The following PARD6G variants were observed in gnomAD, a reference collection of about 807,000 sequenced individuals.
The protein encoded by PARD6G is partitioning defective 6 homolog gamma.
PARD6G carries 7 observed loss-of-function variants against 10.7 expected under a neutral mutation model. The observed-to-expected ratio is 0.66, with a 90% CI of 0.37 to 1.23. The LOEUF (loss-of-function observed/expected upper bound fraction) is 1.23. Ranked by LOEUF, PARD6G falls within the 50% of genes most tolerant of loss-of-function variation. The pLI, the probability that PARD6G is intolerant of heterozygous loss-of-function variation, is 0.02. For synonymous variants in PARD6G, 287 were observed against 269.4 expected (o/e 1.07, Z -0.64); for missense variants, 548 against 571.8 (o/e 0.96, Z 0.42).
At position 80,201,962 on chromosome 18, in the gene PARD6G, A is replaced by C. The variant is rs1967011737; in HGVS notation, c.295+748T>G. 1 of 152,396 alleles carries C rather than the reference A, an allele frequency of 6.6e-6. No homozygotes were observed. The highest frequency in any genetic ancestry group is 1.9e-4 in the East Asian group (1 of 5,178). 9.4% of individuals were successfully genotyped at this position (152,396 alleles called of 1,614,324 possible). A position where few individuals can be genotyped will look rare whatever the true frequency, so the allele number is the denominator to read the frequency against. ...GGCAGACAGGGCACACTGCAACCTC[A>C]CCTTGCAACTGTCACCACTGGCTGC... On this transcript the variant is annotated intron_variant, in intron 2 of 2. Transcript: ENST00000353265. The surrounding 1 kb of genome is among the most constrained non-coding windows in gnomAD (Gnocchi z 5.9).
Position 80,246,777 on chromosome 18 carries a change from C to T in PARD6G, c.72+500G>A, listed in dbSNP as rs560138086. On this transcript the variant is annotated intron_variant, in intron 1 of 2. Coordinates refer to ENST00000353265, the MANE Select transcript of PARD6G (RefSeq NM_032510.4). This position sits in a 1 kb window ranked among gnomAD's most constrained non-coding sequence, Gnocchi z 6.7. Reference sequence around the variant, plus strand: ...TGTTTGGTACCGAGCGGGTGGGGGACGCCGGGCTCGGAGCCGGCGGCAAGT... The same window carrying T: ...TGTTTGGTACCGAGCGGGTGGGGGATGCCGGGCTCGGAGCCGGCGGCAAGT... 6.6e-6 allele frequency among the ~76,000 whole-genome samples: 1 copy of T among 151,964 alleles called. No individual in the cohort carries two copies. Among genetic ancestry groups the T allele is most frequent in the Non-Finnish European group, 1.5e-5 (1 of 67,904 alleles).
intron 1 of PARD6G, among the ~76,000 whole-genome samples, chr18:80,224,924 G>A (rs1451169570): frequency 6.6e-6 from 1 of 152,090 alleles, no homozygotes; most frequent in Non-Finnish European, 1.5e-5. Context: ...AAAAGCTACA[G>A]AGAAACTTGA....
chr18:80,236,214 C>A (rs1277187313), intron 1 of PARD6G, among the ~76,000 whole-genome samples: 1 of 152,146 alleles, frequency 6.6e-6, no homozygotes, highest in Non-Finnish European at 1.5e-5. Flanking sequence ...AATCAATAAA[C>A]GTAATCCAGC....
At chr18:80,214,398 G>A (rs758790753) in intron 1 of PARD6G, among the ~76,000 whole-genome samples, 5 of 151,992 alleles carry the variant, frequency 3.3e-5, no homozygotes, top group Non-Finnish European at 1.5e-5. Context: ...CCCGGGAGGC[G>A]GACCTTGCAG....
chr18:80,236,888 TAGG>T (rs1458684385), intron 1 of PARD6G, among the ~76,000 whole-genome samples: 1 of 152,054 alleles, frequency 6.6e-6, no homozygotes, highest in Non-Finnish European at 1.5e-5. Flanking sequence ...TGCTCATGGG[TAGG>T]AAGAATCAAT....
chr18:80,202,359 C>G (rs1356950242), intron 2 of PARD6G, among the ~76,000 whole-genome samples: 1 of 152,144 alleles, frequency 6.6e-6, no homozygotes, highest in Non-Finnish European at 1.5e-5. Context: ...CATGCTCCCT[C>G]CTCCTAACAA....
intron 1 of PARD6G, among the ~76,000 whole-genome samples, chr18:80,222,108 G>A (rs779646789): frequency 4.0e-5 from 6 of 150,698 alleles, no homozygotes; most frequent in Non-Finnish European, 7.4e-5. Flanking sequence ...TTTTTTAAAT[G>A]AAGTCTTGCT....
intron 2 of PARD6G, among the ~76,000 whole-genome samples, chr18:80,176,733 C>G (rs935799388): frequency 6.6e-6 from 1 of 152,144 alleles, no homozygotes; most frequent in Admixed American, 6.6e-5. Context: ...GCCGAGCTCC[C>G]GACAGGGCAA....
Position 80,202,908 on chromosome 18 carries a change from A to G in PARD6G, c.97T>C (p.Ser33Pro). 7.1e-7 allele frequency: 1 copy of G among 1,405,906 alleles called. No individual in the cohort carries two copies. The allele number at this position is 1,405,906 out of a possible 1,614,324, so 87.1% of individuals were successfully genotyped here. ...TTCCCAGGCTTATGACGGTCCAGAG[A>G]GAACCTTCGGAATTCCGCCCCAAAC... Reference protein sequence around the residue: ...SKFGAEFRRFSLDRHKPGKFE... With the variant: ...SKFGAEFRRFPLDRHKPGKFE... Residue 33 changes from serine to proline, a missense_variant, in exon 2 of 3, where the codon TCT (serine) becomes CCT (proline). Coordinates refer to ENST00000353265, the MANE Select transcript of PARD6G (RefSeq NM_032510.4).
chr18:80,204,216 A>G (rs1364231011), intron 1 of PARD6G, among the ~76,000 whole-genome samples: 1 of 152,196 alleles, frequency 6.6e-6, no homozygotes, highest in Non-Finnish European at 1.5e-5. Flanking sequence ...AATATATACA[A>G]ATAAAGTAAT....
chr18:80,239,695 G>A (rs1967468173), intron 1 of PARD6G, among the ~76,000 whole-genome samples: 1 of 152,154 alleles, frequency 6.6e-6, no homozygotes, highest in Non-Finnish European at 1.5e-5. Context: ...AGCTATGTGG[G>A]CTTTTAATTT....
Position 80,159,765 on chromosome 18 carries a change from G to A in PARD6G, c.*6C>T, listed in dbSNP as rs575939330. On this transcript the variant is annotated 3_prime_UTR_variant, in exon 3 of 3. Transcript: ENST00000353265. ...TGGAGCTAGGATTTGGGGGCCTCTC[G>A]GGAGTCTAGAGCGTGACCGCGGGCC... The A allele has an allele frequency of 1.0e-5, 14 of 1,400,688 alleles. No homozygotes were observed. In the African/African-American group the frequency reaches 1.5e-4, roughly 15 times the overall value. The allele number at this position is 1,400,688 out of a possible 1,614,324, so 86.8% of individuals were successfully genotyped here.
In PARD6G at chr18:80,159,570, T is replaced by C; in HGVS notation, c.*201A>G. The C allele has an allele frequency of 2.4e-6, 2 of 821,870 alleles. No homozygotes were observed. The highest frequency in any genetic ancestry group is 3.3e-6 in the Non-Finnish European group (2 of 601,072). 50.9% of individuals were successfully genotyped at this position (821,870 alleles called of 1,614,324 possible). ...ACTCAGGCCTGGTATAGAGTGTCTCTACAGGCGTTCATTTTAAGTTCTGTG... is the reference window on the plus strand; with the variant it reads ...ACTCAGGCCTGGTATAGAGTGTCTCCACAGGCGTTCATTTTAAGTTCTGTG... On this transcript the variant is annotated 3_prime_UTR_variant, in exon 3 of 3. Coordinates refer to ENST00000353265, the MANE Select transcript of PARD6G (RefSeq NM_032510.4).
intron 1 of PARD6G, among the ~76,000 whole-genome samples, chr18:80,212,906 T>A (rs1967123977): frequency 6.6e-6 from 1 of 151,982 alleles, no homozygotes; most frequent in East Asian, 1.9e-4. Flanking sequence ...ATTATCTTGT[T>A]TTTATCAATC....
intron 2 of PARD6G, among the ~76,000 whole-genome samples, chr18:80,190,392 C>T (rs190645243): frequency 5.3e-5 from 8 of 152,306 alleles, no homozygotes; most frequent in African/African-American, 1.9e-4. Flanking sequence ...CACTGCCTCT[C>T]GTCCAGAGTC....
At chr18:80,241,113 A>G (rs1175218254) in intron 1 of PARD6G, among the ~76,000 whole-genome samples, 3 of 152,286 alleles carry the variant, frequency 2.0e-5, no homozygotes, top group African/African-American at 7.2e-5. Flanking sequence ...TAACCCTCCC[A>G]GCTGTTTCTT....
At chr18:80,221,584 T>C (rs1967230211) in intron 1 of PARD6G, among the ~76,000 whole-genome samples, 1 of 152,120 alleles carries the variant, frequency 6.6e-6, no homozygotes, top group Non-Finnish European at 1.5e-5. Flanking sequence ...CTATGAAAAC[T>C]CACCGCTAAC....
In PARD6G at chr18:80,201,995, C is replaced by A. The variant is rs1461815460; in HGVS notation, c.295+715G>T. On this transcript the variant is annotated intron_variant, in intron 2 of 2. Transcript: ENST00000353265. This position sits in a 1 kb window ranked among gnomAD's most constrained non-coding sequence, Gnocchi z 5.9. ...ACTGTCACCACTGGCTGCTTGGTTCCTTGAGGTGGTCAGTGTTCACCACCT... is the reference window on the plus strand; with the variant it reads ...ACTGTCACCACTGGCTGCTTGGTTCATTGAGGTGGTCAGTGTTCACCACCT... 3 of 152,302 alleles carry A rather than the reference C, an allele frequency of 2.0e-5. No homozygotes were observed. Among genetic ancestry groups the A allele is most frequent in the Admixed American group, 6.5e-5 (1 of 15,282 alleles). 9.4% of individuals were successfully genotyped at this position (152,302 alleles called of 1,614,324 possible).
chr18:80,199,169 G>C (rs756233860), intron 2 of PARD6G, among the ~76,000 whole-genome samples: 2 of 152,146 alleles, frequency 1.3e-5, no homozygotes, highest in Non-Finnish European at 2.9e-5. Flanking sequence ...CATTGCTTCC[G>C]GGGGACACAG....
Sources: gnomAD v4.1 joint callset for allele counts (sites outside exome capture counted in the v4.1 genomes callset) on GRCh38, gnomAD v4.1.1 for gene constraint, Gnocchi (gnomAD v3.1) non-coding constraint, MANE v1.5 for transcripts, NCBI Gene and HGNC (gene_info 2026-07-23, HGNC 2026-07-21) for gene names.